Variants in RECQL5 observed in about 807,000 individuals in gnomAD.
The protein encoded by RECQL5 is ATP-dependent DNA helicase Q5.
RECQL5 carries 88 observed loss-of-function variants against 103.4 expected under a neutral mutation model. The observed-to-expected ratio is 0.85, with a 90% confidence interval of 0.72 to 1.02. RECQL5 has a LOEUF of 1.02. RECQL5 is among the 50% of genes least tolerant of loss of function. RECQL5 has a pLI of 0.00. For missense variants in RECQL5, 1,232 were observed against 1,284.3 expected, an observed-to-expected ratio of 0.96 and a Z score of 0.62; for synonymous variants, 552 against 507.9, an observed-to-expected ratio of 1.09 and a Z score of -1.17.
chr17:75,650,894 C>T (rs2059546634), intron 8 of RECQL5: 9 of 1,448,858 alleles, frequency 6.2e-6, no homozygotes, highest in Non-Finnish European at 6.3e-6. Flanking sequence ...GAGCTGGTCA[C>T]ATCCCTTGGA....
In RECQL5 at chr17:75,658,422, C is replaced by G; in HGVS notation, c.1025G>C (p.Gly342Ala). The G allele has an allele frequency of 6.2e-7, 1 of 1,613,958 alleles. No individual in the cohort carries two copies. Among genetic ancestry groups the G allele is most frequent in the Non-Finnish European group, 8.5e-7 (1 of 1,179,926 alleles). ...AHWNIAKSMA[G>A]YYQESGRAGR... ...AGCCCGGCCAGACTCCTGGTAGTAC[C>G]CAGCCATAGACTTGGCAATATTCCA... The change falls in exon 7 of 20, where the codon GGG becomes GCG. Residue 342 changes from glycine (G) to alanine (A), a missense_variant. Transcript: ENST00000317905.
intron 2 of RECQL5, 70 bp downstream of exon 2, chr17:75,666,358 G>T: frequency 6.4e-7 from 1 of 1,551,328 alleles, no homozygotes; most frequent in Non-Finnish European, 8.8e-7. Context: ...GGGTGAGGAG[G>T]AGGGTGTTCT....
rs1230337744 is a variant in RECQL5 at position 75,662,605 on chromosome 17, G to C, written c.645C>G (p.Ile215Met). 1.9e-6 allele frequency: 3 copies of C among 1,614,046 alleles called. No individual in the cohort carries two copies. Among genetic ancestry groups the C allele is most frequent in the Non-Finnish European group, 1.7e-6 (2 of 1,180,048 alleles). Reference protein sequence around the residue: ...AALHLKKPVAIFKTPCFRANL... With the variant: ...AALHLKKPVAMFKTPCFRANL... ...TGGCCCGGAAGCAGGGAGTCTTGAAGATGGCAACTGGTTTCTTCAGGTGCA... is the reference window on the plus strand; with the variant it reads ...TGGCCCGGAAGCAGGGAGTCTTGAACATGGCAACTGGTTTCTTCAGGTGCA... The change falls in exon 4 of 20, where the codon ATC becomes ATG. Residue 215 changes from isoleucine (I) to methionine (M), a missense_variant. Coordinates refer to ENST00000317905, the MANE Select transcript of RECQL5 (RefSeq NM_004259.7).
intron 8 of RECQL5, chr17:75,635,897 G>C: frequency 1.0e-6 from 1 of 982,924 alleles, no homozygotes; most frequent in African/African-American, 1.7e-5. Flanking sequence ...AGGAAACAGG[G>C]AAGCTTCGGG....
rs944434591 is a variant in RECQL5 at position 75,629,654 on chromosome 17, G to A, written c.1947+54C>T. The stretch of plus-strand genomic sequence containing the variant: ...AGAGGTGCACCCCTGAGGGCAGAGG[G>A]GAAGTGAAGCCTTTCCTGGTCACAG... On this transcript the variant is annotated intron_variant, in intron 15 of 19. Coordinates refer to ENST00000317905, the MANE Select transcript of RECQL5 (RefSeq NM_004259.7). 3.9e-6 allele frequency: 6 copies of A among 1,557,950 alleles called. No homozygotes were observed. The African/African-American group carries it at 5.4e-5, about 14-fold the overall frequency.
chr17:75,642,266 G>T (rs2059443741), intron 8 of RECQL5, among the ~76,000 whole-genome samples: 1 of 152,222 alleles, frequency 6.6e-6, no homozygotes, highest in African/African-American at 2.4e-5. Flanking sequence ...CCTCCCCGGG[G>T]CTTCCCCAGA....
chr17:75,635,357 C>A (rs2059300277), intron 8 of RECQL5, among the ~76,000 whole-genome samples: 1 of 152,138 alleles, frequency 6.6e-6, no homozygotes, highest in Admixed American at 6.5e-5. Context: ...AGGTGGGGAT[C>A]CCTGTCCTGC....
rs369849940 is a variant in RECQL5 at position 75,627,396 on chromosome 17, G to A, written c.*26C>T. On this transcript the variant is annotated 3_prime_UTR_variant, in exon 20 of 20. Coordinates refer to ENST00000317905, the MANE Select transcript of RECQL5 (RefSeq NM_004259.7). ...CCCATGCTAGAATCTGGGGGAGGAC[G>A]CGGGCCCTGCCCAGCCAGCAGTTGG... 5.6e-5 allele frequency: 88 copies of A among 1,578,046 alleles called. No homozygotes were observed. The African/African-American group carries it at 6.7e-4, about 12-fold the overall frequency.
intron 16 of RECQL5, 65 bp downstream of exon 16, chr17:75,628,869 C>T (rs758884288): frequency 6.3e-7 from 1 of 1,585,844 alleles, no homozygotes; most frequent in African/African-American, 1.4e-5. Flanking sequence ...CTTCAGACGC[C>T]CAGTGAGCAA....
Position 75,631,661 on chromosome 17 carries a change from G to T in RECQL5, c.1237C>A (p.His413Asn). The change falls in exon 9 of 20, where the codon CAT (histidine) becomes AAT (asparagine). Residue 413 changes from histidine (H) to asparagine (N), a missense_variant. Physicochemically the swap from His to Asn is moderately conservative, Grantham distance 68 (BLOSUM62 1). Transcript: ENST00000317905. The part of the protein sequence containing the change: ...VTFCEELGCR[H>N]AAIAKYFGDA... ...CCGAAGTACTTGGCAATGGCGGCAT[G>T]GCGGCACCTGGAGCAGGCAGCACCG... 1 of 1,610,710 alleles carries T rather than the reference G, an allele frequency of 6.2e-7. No homozygotes were observed. The highest frequency in any genetic ancestry group is 8.5e-7 in the Non-Finnish European group (1 of 1,179,604).
At chr17:75,654,920 G>A (rs923187024) in intron 7 of RECQL5, among the ~76,000 whole-genome samples, 13 of 152,202 alleles carry the variant, frequency 8.5e-5, no homozygotes, top group South Asian at 2.1e-4. Flanking sequence ...AGCCTCTTGC[G>A]TAGCTGGAAC....
chr17:75,643,253 C>T (rs939218740), intron 8 of RECQL5, among the ~76,000 whole-genome samples: 1 of 152,252 alleles, frequency 6.6e-6, no homozygotes, highest in African/African-American at 2.4e-5. Context: ...CAGTTTTCAT[C>T]AGCATAAGAA....
rs1568277649 is a variant in RECQL5 at position 75,651,273 on chromosome 17, C to CA, written c.1150-9dup. The CA allele has an allele frequency of 1.9e-6, 3 of 1,613,566 alleles. No individual in the cohort carries two copies. Among genetic ancestry groups the CA allele is most frequent in the Admixed American group, 1.7e-5 (1 of 59,918 alleles). On this transcript the variant is annotated splice_polypyrimidine_tract_variant and intron_variant, in intron 7 of 19. Transcript: ENST00000317905. ...TTTGTTTCCTCTCTTTTCCTGGGGA[C>CA]AAAAAATGACCACTTAGCAAGTCTT...
rs947502349 is a variant in RECQL5, at chr17:75,636,709, T to G, written c.1230-5041A>C. 6.6e-6 allele frequency: 1 copy of G among 152,332 alleles called. No individual in the cohort carries two copies. The highest frequency in any genetic ancestry group is 1.5e-5 in the Non-Finnish European group (1 of 68,132). 9.4% of individuals were successfully genotyped at this position (152,332 alleles called of 1,614,324 possible). On this transcript the variant is annotated intron_variant, in intron 8 of 19. Coordinates refer to ENST00000317905, the MANE Select transcript of RECQL5 (RefSeq NM_004259.7). This position sits in a 1 kb window ranked among gnomAD's most constrained non-coding sequence, Gnocchi z 5.4. Reference sequence around the variant, plus strand: ...CCCCTCAGCTCCCCCACCTGCGCCATGAAGGTTCAGTCGCGGGTTTACGCT... The same window carrying G: ...CCCCTCAGCTCCCCCACCTGCGCCAGGAAGGTTCAGTCGCGGGTTTACGCT...
chr17:75,629,962 A>G lies in RECQL5; in HGVS notation c.1813-120T>C, dbSNP rs1213967535. The G allele has an allele frequency of 4.4e-6, 6 of 1,361,214 alleles. No homozygotes were observed. The East Asian group carries it at 7.4e-5, about 17-fold the overall frequency. The allele number at this position is 1,361,214 out of a possible 1,614,324, so 84.3% of individuals were successfully genotyped here. A position where few individuals can be genotyped will look rare whatever the true frequency, so the allele number is the denominator to read the frequency against. The stretch of plus-strand genomic sequence containing the variant: ...TTTCTGTGGCCAGTGGCCACAGGCA[A>G]CTGACCACTGGGCAAGTTTTAGGCC... On this transcript the variant is annotated intron_variant, in intron 14 of 19. Coordinates refer to ENST00000317905, the MANE Select transcript of RECQL5 (RefSeq NM_004259.7).
chr17:75,660,160 G>A (rs1021449650), intron 6 of RECQL5, among the ~76,000 whole-genome samples: 5 of 152,174 alleles, frequency 3.3e-5, no homozygotes, highest in East Asian at 1.9e-4. Context: ...TCCGCCTCCC[G>A]GGCTCAAGCA....
In RECQL5 at chr17:75,661,060, T is replaced by C. The variant is rs766794250; in HGVS notation, c.881A>G (p.Lys294Arg). The C allele has an allele frequency of 1.2e-6, 2 of 1,613,294 alleles. No individual in the cohort carries two copies. Among genetic ancestry groups the C allele is most frequent in the Non-Finnish European group, 1.7e-6 (2 of 1,179,176 alleles). ...CTGCACCAGCGTTCTTTCAGAGGCC[T>C]TCAGCCCTGTAAAGGAGGGGAAGAT... is the stretch of plus-strand genomic sequence containing the variant. ...VNAKAYHAGL[K>R]ASERTLVQND... The change falls in exon 6 of 20, where the codon AAG (lysine) becomes AGG (arginine). Residue 294 changes from lysine to arginine, a missense_variant. Transcript: ENST00000317905.
chr17:75,630,844 G>GTC lies in RECQL5; in HGVS notation c.1586-8_1586-7insGA, dbSNP rs752469432. 14 of 1,139,964 alleles carry GTC rather than the reference G, an allele frequency of 1.2e-5. No homozygotes were observed. Among genetic ancestry groups the GTC allele is most frequent in the African/African-American group, 1.6e-5 (1 of 63,962 alleles). The allele number at this position is 1,139,964 out of a possible 1,614,324, so 70.6% of individuals were successfully genotyped here. A position where few individuals can be genotyped will look rare whatever the true frequency, so the allele number is the denominator to read the frequency against. ...TTCAGGGGACAGTTCTCATCTGTGG[G>GTC]GGGGGGGGGTGGTCCTTGGTCCTTT... On this transcript the variant is annotated splice_region_variant and splice_polypyrimidine_tract_variant and intron_variant, in intron 11 of 19. Coordinates refer to ENST00000317905, the MANE Select transcript of RECQL5 (RefSeq NM_004259.7).
Position 75,640,696 on chromosome 17 carries a change from G to A in RECQL5, c.1230-9028C>T. On this transcript the variant is annotated intron_variant, in intron 8 of 19. Coordinates refer to ENST00000317905, the MANE Select transcript of RECQL5 (RefSeq NM_004259.7). The surrounding 1 kb of genome is among the most constrained non-coding windows in gnomAD (Gnocchi z 4.6). ...TCTGACCTCCACCAAACCTGTGGGG[G>A]AAAGACCCTGGCAGGCAGTGGGTTT... 1 of 1,499,122 alleles carries A rather than the reference G, an allele frequency of 6.7e-7. No homozygotes were observed. Among genetic ancestry groups the A allele is most frequent in the Non-Finnish European group, 8.9e-7 (1 of 1,120,360 alleles). 92.9% of individuals were successfully genotyped at this position (1,499,122 alleles called of 1,614,324 possible).
Sources: gnomAD v4.1 joint callset for allele counts (sites outside exome capture counted in the v4.1 genomes callset) on GRCh38, gnomAD v4.1.1 for gene constraint, Gnocchi (gnomAD v3.1) non-coding constraint, MANE v1.5 for transcripts, NCBI Gene and HGNC (gene_info 2026-07-23, HGNC 2026-07-21) for gene names.